FER: variants seen among roughly 807,000 people sequenced by gnomAD.
FER encodes the protein FER tyrosine kinase, also known as tyrosine-protein kinase Fer.
In FER, 63 loss-of-function variants were observed where a neutral mutation model predicts 111.0. That is an observed-to-expected ratio of 0.57 (90% CI 0.46 to 0.70). FER has a LOEUF of 0.70. FER is among the 30% of genes least tolerant of loss of function. FER has a pLI of 0.00. For synonymous variants in FER, 327 were observed against 313.9 expected, an observed-to-expected ratio of 1.04 and a Z score of -0.44; for missense variants, 914 against 954.0, an observed-to-expected ratio of 0.96 and a Z score of 0.55.
intron 16 of FER, among the ~76,000 whole-genome samples, chr5:109,050,991 C>T (rs949384957): frequency 6.6e-6 from 1 of 152,156 alleles, no homozygotes; most frequent in Non-Finnish European, 1.5e-5. Context: ...ATACCCAGAA[C>T]CATTCTTAGG....
intron 3 of FER, among the ~76,000 whole-genome samples, chr5:108,803,018 C>T (rs910242282): frequency 2.0e-5 from 3 of 152,050 alleles, no homozygotes; most frequent in Admixed American, 6.6e-5. Flanking sequence ...GTTTTTTTGA[C>T]GTTTTAATTA....
intron 16 of FER, among the ~76,000 whole-genome samples, chr5:109,058,668 A>G (rs1773949737): frequency 1.3e-5 from 2 of 149,110 alleles, no homozygotes; most frequent in East Asian, 2.0e-4. Flanking sequence ...CAAAATAACA[A>G]TTTGAAAAAT....
At chr5:109,177,307 G>A (rs1757807482) in intron 17 of FER, among the ~76,000 whole-genome samples, 2 of 151,688 alleles carry the variant, frequency 1.3e-5, no homozygotes, top group Admixed American at 6.6e-5. Context: ...TTTATGCCAT[G>A]TTTCAGCCAG....
chr5:108,973,985 C>G (rs916490394), intron 13 of FER, among the ~76,000 whole-genome samples: 1 of 152,080 alleles, frequency 6.6e-6, no homozygotes, highest in Non-Finnish European at 1.5e-5. Context: ...CTATTGCAGT[C>G]TTGAATGTGG....
chr5:108,887,354 A>G lies in FER; in HGVS notation c.1046+3836A>G, dbSNP rs78806115. Among the ~76,000 whole-genome samples, 134 of 151,784 alleles carry G rather than the reference A, an allele frequency of 8.8e-4. 2 individuals carry two copies. The East Asian group carries it at 0.022, about 25-fold the overall frequency. On this transcript the variant is annotated intron_variant, in intron 9 of 19. Coordinates refer to ENST00000281092, the MANE Select transcript of FER (RefSeq NM_005246.4). ...ACAGTGAAAAAATAAATTATATGAT[A>G]AATCATTTGATGGCTTTGATTCCTA... is the stretch of plus-strand genomic sequence containing the variant.
intron 13 of FER, among the ~76,000 whole-genome samples, chr5:109,005,891 C>T (rs930482643): frequency 1.3e-5 from 2 of 152,188 alleles, no homozygotes; most frequent in Admixed American, 6.5e-5. Context: ...TGTTTTCACT[C>T]AACCAGAGTA....
Position 108,982,964 on chromosome 5 carries a change from C to T in FER, c.1656+23617C>T, listed in dbSNP as rs1762167192. ...ATGGCATGCATACTAAATATGTTAACCGTTTCTGTTATTTATTACTACTAC... is the reference window on the plus strand; with the variant it reads ...ATGGCATGCATACTAAATATGTTAATCGTTTCTGTTATTTATTACTACTAC... On this transcript the variant is annotated intron_variant, in intron 13 of 19. Coordinates refer to ENST00000281092, the MANE Select transcript of FER (RefSeq NM_005246.4). 2.0e-5 allele frequency among the ~76,000 whole-genome samples: 3 copies of T among 151,880 alleles called. No individual in the cohort carries two copies. In the South Asian group the frequency reaches 6.2e-4, roughly 31 times the overall value.
chr5:109,000,027 G>T (rs80280300), intron 13 of FER, among the ~76,000 whole-genome samples: 1 of 118,838 alleles, frequency 8.4e-6, no homozygotes, highest in Non-Finnish European at 2.0e-5. Flanking sequence ...GAGTCCAGCA[G>T]TTTTTTTGAT....
intron 13 of FER, among the ~76,000 whole-genome samples, chr5:108,991,706 GT>G: frequency 2.0e-5 from 3 of 151,282 alleles, no homozygotes; most frequent in African/African-American, 4.8e-5. Context: ...ATTCAGTAAG[GT>G]TTTTTTTAGC....
At chr5:109,052,196 G>T in intron 16 of FER, 2 of 1,607,228 alleles carry the variant, frequency 1.2e-6, no homozygotes, top group African/African-American at 1.3e-5. Context: ...AAGAGTATGG[G>T]TACAGACACA....
intron 3 of FER, among the ~76,000 whole-genome samples, chr5:108,822,717 T>TATTTAATTTA (rs1758992366): frequency 1.7e-5 from 2 of 115,718 alleles, no homozygotes; most frequent in Non-Finnish European, 3.5e-5. Flanking sequence ...TTATTTATTT[T>TATTTAATTTA]ATTTTATTTT....
chr5:108,779,701 G>A (rs567996127), intron 2 of FER, among the ~76,000 whole-genome samples: 3 of 152,238 alleles, frequency 2.0e-5, no homozygotes, highest in Admixed American at 6.5e-5. Context: ...AATTCTTTCA[G>A]ATTTTCTACA....
intron 12 of FER, among the ~76,000 whole-genome samples, chr5:108,955,479 A>C (rs1055951556): frequency 1.3e-5 from 2 of 151,888 alleles, no homozygotes; most frequent in East Asian, 1.9e-4. Context: ...ATCTATTTAC[A>C]TTGATTATTC....
chr5:108,885,245 G>C lies in FER; in HGVS notation c.1046+1727G>C, dbSNP rs146542721. On this transcript the variant is annotated intron_variant, in intron 9 of 19. Coordinates refer to ENST00000281092, the MANE Select transcript of FER (RefSeq NM_005246.4). ...TATCCTAAATTCCCAATGTCTAAAG[G>C]CTGAATTAAAAATCTCCATACAACC... Among the ~76,000 whole-genome samples, 190 of 151,938 alleles carry C rather than the reference G, an allele frequency of 1.3e-3. 3 individuals are homozygous for C. The East Asian group carries it at 0.029, about 23-fold the overall frequency.
intron 14 of FER, among the ~76,000 whole-genome samples, chr5:109,037,976 G>C (rs1399697213): frequency 4.6e-5 from 7 of 151,722 alleles, no homozygotes; most frequent in Admixed American, 4.6e-4. Context: ...CAAGACACTT[G>C]TTTCAATATA....
intron 10 of FER, among the ~76,000 whole-genome samples, chr5:108,944,840 C>T (rs979691640): frequency 2.0e-4 from 23 of 116,534 alleles, no homozygotes; most frequent in African/African-American, 6.8e-4. Context: ...CTATAAAGAA[C>T]CTTCATATGA....
intron 16 of FER, chr5:109,051,506 G>A (rs763983135): frequency 4.2e-4 from 675 of 1,606,670 alleles, no homozygotes; most frequent in Non-Finnish European, 5.3e-4. Flanking sequence ...TGCCCCATTC[G>A]ATTTTGTTCT....
chr5:108,881,961 CAA>C (rs1387665548), intron 8 of FER, among the ~76,000 whole-genome samples: 2 of 152,204 alleles, frequency 1.3e-5, no homozygotes, highest in African/African-American at 2.4e-5. Context: ...ATAATTAGAA[CAA>C]TGCTATATGT....
intron 10 of FER, among the ~76,000 whole-genome samples, chr5:108,915,919 C>T (rs1456035719): frequency 6.6e-6 from 1 of 152,024 alleles, no homozygotes; most frequent in Non-Finnish European, 1.5e-5. Flanking sequence ...GCTTTTCATT[C>T]CCTCTTCTTT....
Sources: allele counts gnomAD v4.1 joint callset (sites outside exome capture counted in the v4.1 genomes callset), GRCh38; gene constraint gnomAD v4.1.1; transcripts MANE v1.5; gene names NCBI Gene and HGNC (gene_info 2026-07-23, HGNC 2026-07-21).